RYR3: variants seen among roughly 807,000 people sequenced by gnomAD.
RYR3 encodes the protein brain ryanodine receptor-calcium release channel.
RYR3 carries 207 observed loss-of-function variants against 584.3 expected under a neutral mutation model. That is an observed-to-expected ratio of 0.35 (90% CI 0.32 to 0.40). The LOEUF (loss-of-function observed/expected upper bound fraction) is 0.40. Ranked by LOEUF, RYR3 falls within the 10% of genes least tolerant of loss-of-function variation. The probability of loss-of-function intolerance (pLI) is 1.00; values close to 1 mark genes in which losing one functional copy is unlikely to be tolerated. For synonymous variants in RYR3, 2,416 were observed against 2,248.5 expected, an observed-to-expected ratio of 1.07 and a Z score of -2.11; for missense variants, 5,616 against 6,089.2, an observed-to-expected ratio of 0.92 and a Z score of 2.59.
At chr15:33,630,832 G>A (rs1595894787) in intron 22 of RYR3, among the ~76,000 whole-genome samples, 1 of 152,144 alleles carries the variant, frequency 6.6e-6, no homozygotes, top group South Asian at 2.1e-4. Context: ...CTCCAAGAGG[G>A]GCAATTAACA....
intron 38 of RYR3, among the ~76,000 whole-genome samples, chr15:33,690,196 C>T (rs997335213): frequency 1.3e-5 from 2 of 152,180 alleles, no homozygotes; most frequent in Admixed American, 1.3e-4. Context: ...AGCCTGCAGC[C>T]CACCTTTGTG....
intron 3 of RYR3, among the ~76,000 whole-genome samples, chr15:33,510,439 T>A (rs80095947): frequency 0.023 from 3,509 of 152,314 alleles, 51 homozygotes; most frequent in Non-Finnish European, 0.036. Context: ...GTTCCCCTTT[T>A]TGTATTAATC....
chr15:33,598,203 A>G (rs1254735951), intron 16 of RYR3, among the ~76,000 whole-genome samples: 5 of 146,552 alleles, frequency 3.4e-5, no homozygotes, highest in Non-Finnish European at 1.5e-5. Context: ...AAAAAATCAG[A>G]TGAAAATGGA....
At chr15:33,848,255 G>A (rs1217638079) in intron 93 of RYR3, 36 bp from the exon 94 acceptor site, 1 of 1,611,930 alleles carries the variant, frequency 6.2e-7, no homozygotes, top group Non-Finnish European at 8.5e-7. Context: ...TAATCACAAA[G>A]CCTGCTCTGA....
intron 12 of RYR3, among the ~76,000 whole-genome samples, chr15:33,573,140 G>C (rs368686119): frequency 6.6e-6 from 1 of 151,870 alleles, no homozygotes; most frequent in Non-Finnish European, 1.5e-5. Context: ...CAGCTGTTAA[G>C]TCCCACCCTC....
rs996769654 is a variant in RYR3 at position 33,854,804 on chromosome 15, C to T, written c.13899C>T (p.Val4633=). 2 of 1,613,610 alleles carry T rather than the reference C, an allele frequency of 1.2e-6. No homozygotes were observed. Among genetic ancestry groups the T allele is most frequent in the African/African-American group, 2.7e-5 (2 of 74,916 alleles). The change falls in exon 98 of 104, where the codon GTC becomes GTT. Residue 4633 remains valine (V), a synonymous_variant. Transcript: ENST00000634891. The part of the protein sequence containing the change: ...LYLAWYTTMS[V]LGHYNNFFFA... The stretch of plus-strand genomic sequence containing the variant: ...TTGCCTGGTATACAACCATGTCAGT[C>T]CTGGGCCACTACAATAACTTCTTCT...
At chr15:33,497,715 T>C (rs1218139758) in intron 2 of RYR3, among the ~76,000 whole-genome samples, 2 of 152,224 alleles carry the variant, frequency 1.3e-5, no homozygotes. Flanking sequence ...ATCATTTCTT[T>C]GTGTTAGAAA....
intron 1 of RYR3, among the ~76,000 whole-genome samples, chr15:33,453,044 T>G (rs1440285764): frequency 8.4e-6 from 1 of 119,062 alleles, no homozygotes; most frequent in Non-Finnish European, 1.8e-5. Context: ...CAGTGAGGTT[T>G]GCTGCACTTG....
At chr15:33,719,964 G>A (rs998841646) in intron 43 of RYR3, among the ~76,000 whole-genome samples, 15 of 152,126 alleles carry the variant, frequency 9.9e-5, no homozygotes, top group African/African-American at 3.4e-4. Context: ...TCTTCACATG[G>A]ATTCTGGTTT....
chr15:33,714,761 T>G (rs2067375338), intron 43 of RYR3, among the ~76,000 whole-genome samples: 1 of 152,210 alleles, frequency 6.6e-6, no homozygotes, highest in South Asian at 2.1e-4. Flanking sequence ...TGGCCATAAC[T>G]TGGACATCCA....
At position 33,752,961 on chromosome 15, in the gene RYR3, G is replaced by C. The variant is rs1210764178; in HGVS notation, c.8400-2104G>C. ...ATGTTCCATCAATACCTAGTTTATT[G>C]AGAGTTTTTAGCATGAAGGATGTTA... On this transcript the variant is annotated intron_variant, in intron 57 of 103. Transcript: ENST00000634891. Among the ~76,000 whole-genome samples the C allele has an allele frequency of 6.0e-5, 8 of 133,988 alleles. No individual in the cohort carries two copies. In the East Asian group the frequency reaches 1.5e-3, roughly 26 times the overall value. The allele number at this position is 133,988 out of a possible 152,430, so 87.9% of individuals were successfully genotyped here.
intron 35 of RYR3, 106 bp from the exon 36 acceptor site, chr15:33,663,431 G>A: frequency 1.4e-5 from 13 of 927,632 alleles, no homozygotes; most frequent in Non-Finnish European, 2.0e-5. Flanking sequence ...GCTACTGTGT[G>A]GCAATTTACT....
At chr15:33,425,844 G>T (rs547425767) in intron 1 of RYR3, among the ~76,000 whole-genome samples, 3 of 151,776 alleles carry the variant, frequency 2.0e-5, no homozygotes, top group East Asian at 1.9e-4. Flanking sequence ...GGGTTTCACC[G>T]TGTTAGCCAG....
chr15:33,857,557 C>G (rs1282757200), intron 98 of RYR3, among the ~76,000 whole-genome samples: 1 of 152,130 alleles, frequency 6.6e-6, no homozygotes, highest in Non-Finnish European at 1.5e-5. Flanking sequence ...AACACCCCAT[C>G]ATTACTCTTT....
At chr15:33,516,631 T>TG (rs1372318689) in intron 3 of RYR3, among the ~76,000 whole-genome samples, 1 of 151,948 alleles carries the variant, frequency 6.6e-6, no homozygotes, top group Non-Finnish European at 1.5e-5. Flanking sequence ...CCACCACCCC[T>TG]GGCCTGTAAG....
Position 33,724,064 on chromosome 15 carries a change from G to A in RYR3, c.6801-1G>A, listed in dbSNP as rs751585135. On this transcript the variant is annotated splice_acceptor_variant, in intron 44 of 103. Transcript: ENST00000634891. LOFTEE classifies it high-confidence loss of function. ...CACCTCCCCTCTGTTGGTTCTCTCA[G>A]CAGCACGGGGGACGATGAAGAGGAA... 17 of 1,582,850 alleles carry A rather than the reference G, an allele frequency of 1.1e-5. 1 individual carries two copies. The South Asian group carries it at 1.4e-4, about 13-fold the overall frequency.
At chr15:33,822,963 C>T (rs761159376) in intron 80 of RYR3, 33 bp from the exon 81 acceptor site, 10 of 1,578,618 alleles carry the variant, frequency 6.3e-6, no homozygotes, top group South Asian at 1.1e-5. Context: ...TAGTTTTCAT[C>T]GCTTTTCCCC....
At chr15:33,655,815 A>G (rs1327315855) in intron 32 of RYR3, among the ~76,000 whole-genome samples, 1 of 152,170 alleles carries the variant, frequency 6.6e-6, no homozygotes, top group Non-Finnish European at 1.5e-5. Flanking sequence ...TGACAGTGGG[A>G]TCGTTGTTAT....
At chr15:33,414,672 T>G (rs2043654878) in intron 1 of RYR3, among the ~76,000 whole-genome samples, 2 of 152,170 alleles carry the variant, frequency 1.3e-5, no homozygotes, top group South Asian at 2.1e-4. Flanking sequence ...TGGCGTGATC[T>G]CAGCTCACTG....
Sources: allele counts gnomAD v4.1 joint callset (sites outside exome capture counted in the v4.1 genomes callset), GRCh38; gene constraint gnomAD v4.1.1; transcripts MANE v1.5; gene names NCBI Gene and HGNC (gene_info 2026-07-23, HGNC 2026-07-21).